Variants in SLC24A2 observed in about 807,000 individuals in gnomAD.
The protein encoded by SLC24A2 is sodium/potassium/calcium exchanger 2.
Under a neutral mutation model 62.0 loss-of-function variants are expected in SLC24A2, and 36 were observed. The ratio of observed to expected loss-of-function variants is 0.58; its 90% CI spans 0.44 to 0.77. The LOEUF (loss-of-function observed/expected upper bound fraction) is 0.77. SLC24A2 is among the 30% of genes least tolerant of loss of function. The pLI, the probability that SLC24A2 is intolerant of heterozygous loss-of-function variation, is 0.00. For synonymous variants in SLC24A2, 358 were observed against 294.0 expected (o/e 1.22, Z -2.23); for missense variants, 846 against 817.9 (o/e 1.03, Z -0.42).
At chr9:20,304,808 A>G in the SLC24A2 span, among the ~76,000 whole-genome samples, 4 of 152,198 alleles carry the variant, frequency 2.6e-5, no homozygotes, top group African/African-American at 4.8e-5. Flanking sequence ...TAACTTGCCT[A>G]AAGTCTCAGG....
the SLC24A2 span, among the ~76,000 whole-genome samples, chr9:20,152,488 T>G: frequency 2.0e-5 from 3 of 151,888 alleles, no homozygotes; most frequent in South Asian, 6.2e-4. Flanking sequence ...TGCAGGCAAA[T>G]GGAAAGAAAA....
chr9:19,627,678 A>G (rs1282484547), intron 2 of SLC24A2, among the ~76,000 whole-genome samples: 1 of 152,132 alleles, frequency 6.6e-6, no homozygotes, highest in African/African-American at 2.4e-5. Context: ...GGAAAGCACT[A>G]TGATGCCCAG....
chr9:20,201,681 CTTTTA>C, the SLC24A2 span, among the ~76,000 whole-genome samples: 1 of 152,098 alleles, frequency 6.6e-6, no homozygotes, highest in African/African-American at 2.4e-5. Context: ...TTAATTAGCC[CTTTTA>C]TTTTTAATTA....
the SLC24A2 span, among the ~76,000 whole-genome samples, chr9:20,291,305 A>G: frequency 4.6e-5 from 7 of 152,174 alleles, no homozygotes; most frequent in African/African-American, 1.2e-4. Flanking sequence ...GGTTGGGGAA[A>G]TCAAGAAAGG....
the SLC24A2 span, among the ~76,000 whole-genome samples, chr9:20,135,476 T>C: frequency 6.6e-6 from 1 of 151,984 alleles, no homozygotes; most frequent in African/African-American, 2.4e-5. Flanking sequence ...TAGCTTATCG[T>C]GGGGTAAGTA....
At chr9:20,108,568 AATC>A in the SLC24A2 span, among the ~76,000 whole-genome samples, 1 of 152,180 alleles carries the variant, frequency 6.6e-6, no homozygotes, top group Admixed American at 6.5e-5. Flanking sequence ...TGAAGTTGGA[AATC>A]ATCATTCTCA....
the SLC24A2 span, among the ~76,000 whole-genome samples, chr9:20,121,697 C>T: frequency 4.6e-5 from 7 of 152,146 alleles, no homozygotes; most frequent in Non-Finnish European, 7.4e-5. Context: ...ATTAGAAAGA[C>T]ATGCAGTGTT....
At chr9:20,049,140 A>G in the SLC24A2 span, among the ~76,000 whole-genome samples, 6 of 152,144 alleles carry the variant, frequency 3.9e-5, 1 homozygote, top group African/African-American at 1.4e-4. Flanking sequence ...CTAGCAACAG[A>G]CAAGATATTA....
At chr9:20,227,642 C>CTT in the SLC24A2 span, among the ~76,000 whole-genome samples, 2 of 151,920 alleles carry the variant, frequency 1.3e-5, no homozygotes, top group Non-Finnish European at 1.5e-5. Context: ...GTCTCTTCTG[C>CTT]CCTTCTATGC....
At chr9:19,887,548 AT>A in the SLC24A2 span, among the ~76,000 whole-genome samples, 1 of 152,180 alleles carries the variant, frequency 6.6e-6, no homozygotes, top group Non-Finnish European at 1.5e-5. Flanking sequence ...AAATAAAAAA[AT>A]AATAGATGTG....
the SLC24A2 span, among the ~76,000 whole-genome samples, chr9:19,835,591 C>T: frequency 6.6e-6 from 1 of 152,116 alleles, no homozygotes; most frequent in African/African-American, 2.4e-5. Flanking sequence ...CCTTACTGAC[C>T]TACAAAGAGA....
chr9:19,978,886 A>G, the SLC24A2 span, among the ~76,000 whole-genome samples: 1 of 152,156 alleles, frequency 6.6e-6, no homozygotes, highest in African/African-American at 2.4e-5. Context: ...AAAAAGGCAC[A>G]TTTCTCTGCA....
chr9:19,927,938 G>A, the SLC24A2 span: 1 of 152,396 alleles, frequency 6.6e-6, no homozygotes, highest in Non-Finnish European at 1.5e-5. Flanking sequence ...TGCCACTTGT[G>A]AGCCTGTGTG....
the SLC24A2 span, among the ~76,000 whole-genome samples, chr9:19,799,818 T>C: frequency 6.6e-6 from 1 of 152,230 alleles, no homozygotes; most frequent in Non-Finnish European, 1.5e-5. Context: ...ACTCTGTTTT[T>C]TTAATTGGCA....
the SLC24A2 span, among the ~76,000 whole-genome samples, chr9:20,149,496 G>T: frequency 2.9e-5 from 3 of 102,660 alleles, no homozygotes; most frequent in Non-Finnish European, 4.0e-5. Flanking sequence ...TCTGTAATGG[G>T]CTCGATGATA....
At chr9:20,019,253 G>GAAAGAA in the SLC24A2 span, among the ~76,000 whole-genome samples, 12 of 109,640 alleles carry the variant, frequency 1.1e-4, no homozygotes, top group East Asian at 8.0e-4. Context: ...AAGAAGGAAA[G>GAAAGAA]AGAAAGAAAG....
intron 2 of SLC24A2, among the ~76,000 whole-genome samples, chr9:19,714,316 G>A (rs1372877365): frequency 2.6e-5 from 4 of 152,160 alleles, no homozygotes; most frequent in African/African-American, 4.8e-5. Context: ...CAGATGGGGT[G>A]CAGCACTCGC....
intron 5 of SLC24A2, among the ~76,000 whole-genome samples, chr9:19,593,913 T>C (rs1329664573): frequency 6.6e-6 from 1 of 152,108 alleles, no homozygotes; most frequent in Non-Finnish European, 1.5e-5. Flanking sequence ...AAAATACACT[T>C]TTATGATCAT....
At chr9:20,039,792 A>G in the SLC24A2 span, among the ~76,000 whole-genome samples, 1 of 152,212 alleles carries the variant, frequency 6.6e-6, no homozygotes, top group Non-Finnish European at 1.5e-5. Context: ...ATCAGGAAAG[A>G]GGCAGAGCTG....
Sources: gnomAD v4.1 joint callset for allele counts (sites outside exome capture counted in the v4.1 genomes callset) on GRCh38, gnomAD v4.1.1 for gene constraint, MANE v1.5 for transcripts, NCBI Gene and HGNC (gene_info 2026-07-23, HGNC 2026-07-21) for gene names.